ABTB3: variants seen among roughly 807,000 people sequenced by gnomAD.
ABTB3 encodes ankyrin repeat and BTB domain containing 3.
the ABTB3 span, among the ~76,000 whole-genome samples, chr12:107,623,303 C>G: frequency 6.6e-6 from 1 of 151,068 alleles, no homozygotes; most frequent in African/African-American, 2.4e-5. Flanking sequence ...TCGTGATCTG[C>G]CCACCTCAGC....
At chr12:107,440,294 C>T in the ABTB3 span, among the ~76,000 whole-genome samples, 2 of 152,240 alleles carry the variant, frequency 1.3e-5, no homozygotes, top group South Asian at 4.1e-4. Context: ...CTCCACACAG[C>T]CACAGGGACC....
the ABTB3 span, among the ~76,000 whole-genome samples, chr12:107,431,634 C>A: frequency 7.9e-5 from 12 of 152,116 alleles, no homozygotes; most frequent in Non-Finnish European, 1.6e-4. Flanking sequence ...GCACCCGCCC[C>A]CAAAAAAAGT....
the ABTB3 span, among the ~76,000 whole-genome samples, chr12:107,427,680 C>T: frequency 1.3e-5 from 2 of 152,088 alleles, no homozygotes; most frequent in African/African-American, 4.8e-5. Flanking sequence ...ACACGAGTTC[C>T]GGAGATTAGT....
the ABTB3 span, among the ~76,000 whole-genome samples, chr12:107,340,097 T>C: frequency 6.6e-6 from 1 of 152,100 alleles, no homozygotes; most frequent in East Asian, 1.9e-4. Flanking sequence ...TTGTTGTGAA[T>C]ACTGAAGTCA....
chr12:107,425,797 G>A, the ABTB3 span, among the ~76,000 whole-genome samples: 10 of 152,166 alleles, frequency 6.6e-5, no homozygotes, highest in South Asian at 2.1e-4. Flanking sequence ...GCTAGCACAC[G>A]GCCAGGCACG....
the ABTB3 span, among the ~76,000 whole-genome samples, chr12:107,400,390 A>T: frequency 6.6e-6 from 1 of 152,142 alleles, no homozygotes; most frequent in African/African-American, 2.4e-5. Context: ...GGACCCAGGA[A>T]TCTGTGTTTT....
At chr12:107,370,944 C>A in the ABTB3 span, among the ~76,000 whole-genome samples, 2 of 151,822 alleles carry the variant, frequency 1.3e-5, no homozygotes, top group African/African-American at 2.4e-5. Flanking sequence ...AGAAGGGTGA[C>A]CACCTCCTAC....
chr12:107,581,476 C>G, the ABTB3 span, among the ~76,000 whole-genome samples: 1 of 152,182 alleles, frequency 6.6e-6, no homozygotes, highest in Non-Finnish European at 1.5e-5. Flanking sequence ...ATAAGCAGGT[C>G]CCTGGAGTTG....
At chr12:107,653,529 AGAAAG>A in the ABTB3 span, among the ~76,000 whole-genome samples, 217 of 142,712 alleles carry the variant, frequency 1.5e-3, no homozygotes, top group African/African-American at 5.2e-3. Flanking sequence ...AAAAAAAAAA[AGAAAG>A]AAAGAAAAGA....
the ABTB3 span, among the ~76,000 whole-genome samples, chr12:107,406,712 T>C: frequency 1.3e-3 from 199 of 152,324 alleles, no homozygotes; most frequent in South Asian, 2.3e-3. Context: ...ATCCCTGTCT[T>C]TATGGAGCTT....
the ABTB3 span, chr12:107,635,273 T>G: frequency 3.1e-6 from 5 of 1,611,964 alleles, no homozygotes; most frequent in East Asian, 1.1e-4. Context: ...ACCTCCTCTT[T>G]CTTTTCTGCA....
the ABTB3 span, among the ~76,000 whole-genome samples, chr12:107,445,023 G>A: frequency 6.6e-6 from 1 of 152,206 alleles, no homozygotes. Context: ...AATCAGCATC[G>A]CTGACCGCTT....
chr12:107,367,182 T>C, the ABTB3 span, among the ~76,000 whole-genome samples: 2 of 152,188 alleles, frequency 1.3e-5, no homozygotes, highest in African/African-American at 2.4e-5. Flanking sequence ...AGATTGGCAG[T>C]AGCTGCTGTG....
At chr12:107,485,493 C>CT in the ABTB3 span, among the ~76,000 whole-genome samples, 1 of 152,066 alleles carries the variant, frequency 6.6e-6, no homozygotes, top group Non-Finnish European at 1.5e-5. Context: ...GAGATGGAAG[C>CT]TTTTTTTGTG....
chr12:107,630,550 C>T, the ABTB3 span, among the ~76,000 whole-genome samples: 1 of 152,030 alleles, frequency 6.6e-6, no homozygotes, highest in Non-Finnish European at 1.5e-5. Flanking sequence ...CTCAAGCCAT[C>T]CTCCCACCTC....
chr12:107,604,728 T>C, the ABTB3 span, among the ~76,000 whole-genome samples: 18 of 152,238 alleles, frequency 1.2e-4, no homozygotes, highest in Admixed American at 4.6e-4. Flanking sequence ...AAATTAAAAA[T>C]AGAATTACTA....
At chr12:107,616,823 G>T in the ABTB3 span, among the ~76,000 whole-genome samples, 1 of 152,176 alleles carries the variant, frequency 6.6e-6, no homozygotes, top group Non-Finnish European at 1.5e-5. Context: ...AGTAGACCTG[G>T]GTGGGGCCTG....
chr12:107,399,739 A>G, the ABTB3 span, among the ~76,000 whole-genome samples: 1 of 152,204 alleles, frequency 6.6e-6, no homozygotes, highest in African/African-American at 2.4e-5. Context: ...CTACACAGGT[A>G]TACATGTGCT....
chr12:107,635,242 G>C, the ABTB3 span: 1 of 1,570,580 alleles, frequency 6.4e-7, no homozygotes, highest in Non-Finnish European at 8.7e-7. Flanking sequence ...ACTGAGGCTG[G>C]CCACAGCCCC....
Sources: allele counts gnomAD v4.1 joint callset (sites outside exome capture counted in the v4.1 genomes callset), GRCh38; gene constraint gnomAD v4.1.1; transcripts MANE v1.5; gene names NCBI Gene and HGNC (gene_info 2026-07-23, HGNC 2026-07-21).